Variants in PIP5K1B observed in about 807,000 individuals in gnomAD.
The protein encoded by PIP5K1B is phosphatidylinositol 4-phosphate 5-kinase type-1 beta.
Under a neutral mutation model 67.0 loss-of-function variants are expected in PIP5K1B, and 42 were observed. The observed-to-expected ratio is 0.63, with a 90% CI of 0.49 to 0.81. The LOEUF (loss-of-function observed/expected upper bound fraction) is 0.81, where lower values mean the gene tolerates loss of function less well. Among genes scored for constraint, PIP5K1B ranks in the 30% least tolerant of loss-of-function variants. The probability of loss-of-function intolerance (pLI) is 0.00; values close to 1 mark genes in which losing one functional copy is unlikely to be tolerated. For missense variants in PIP5K1B, 459 were observed against 646.3 expected (o/e 0.71, Z 3.14); for synonymous variants, 214 against 231.4 (o/e 0.92, Z 0.68).
chr9:68,983,532 CT>C (rs147371914), intron 14 of PIP5K1B, among the ~76,000 whole-genome samples: 16,112 of 152,000 alleles, frequency 0.11, 1,014 homozygotes, highest in East Asian at 0.31. Context: ...TGTCTGTCTT[CT>C]TTAATACTAT....
chr9:68,945,772 C>T (rs1259581615), intron 14 of PIP5K1B, among the ~76,000 whole-genome samples: 1 of 152,194 alleles, frequency 6.6e-6, no homozygotes, highest in Non-Finnish European at 1.5e-5. Flanking sequence ...AAAGTGGAGG[C>T]ATGACTTCCA....
intron 5 of PIP5K1B, among the ~76,000 whole-genome samples, chr9:68,868,303 G>A (rs1564194663): frequency 6.6e-6 from 1 of 152,130 alleles, no homozygotes; most frequent in Admixed American, 6.5e-5. Context: ...AAGGACCTAA[G>A]GTGGCAAAGG....
intron 2 of PIP5K1B, among the ~76,000 whole-genome samples, chr9:68,816,465 A>T (rs928129127): frequency 6.6e-6 from 1 of 152,228 alleles, no homozygotes; most frequent in Non-Finnish European, 1.5e-5. Context: ...TAAAAATATA[A>T]ATGCAAGAAA....
chr9:68,862,557 T>C (rs908193181), intron 4 of PIP5K1B, among the ~76,000 whole-genome samples: 2 of 152,082 alleles, frequency 1.3e-5, no homozygotes, highest in Non-Finnish European at 2.9e-5. Context: ...ACTTTGGGGC[T>C]GAGGTGGGCA....
At chr9:68,938,329 A>C (rs545442977) in intron 13 of PIP5K1B, among the ~76,000 whole-genome samples, 1 of 152,252 alleles carries the variant, frequency 6.6e-6, no homozygotes, top group African/African-American at 2.4e-5. Flanking sequence ...TTCTTGCTGC[A>C]TTGATCCCTT....
intron 2 of PIP5K1B, among the ~76,000 whole-genome samples, chr9:68,790,600 A>ACGAGCGCG (rs146501554): frequency 6.6e-6 from 1 of 152,090 alleles, no homozygotes; most frequent in Admixed American, 6.6e-5. Flanking sequence ...GAGCGCGCAC[A>ACGAGCGCG]CACACACACA....
chr9:68,937,272 C>G (rs1204436260), intron 13 of PIP5K1B, among the ~76,000 whole-genome samples: 1 of 152,186 alleles, frequency 6.6e-6, no homozygotes, highest in Non-Finnish European at 1.5e-5. Flanking sequence ...CTATTAATTA[C>G]TGCCTCAATT....
intron 6 of PIP5K1B, among the ~76,000 whole-genome samples, chr9:68,885,106 C>T (rs760816492): frequency 4.6e-5 from 7 of 152,296 alleles, no homozygotes; most frequent in Non-Finnish European, 7.3e-5. Context: ...TGTATATACA[C>T]AATGGAATAC....
intron 4 of PIP5K1B, among the ~76,000 whole-genome samples, chr9:68,856,036 C>A (rs747822952): frequency 3.3e-4 from 51 of 152,268 alleles, no homozygotes; most frequent in Non-Finnish European, 6.9e-4. Context: ...CCTTCAGAGG[C>A]TCTAGCAGGG....
chr9:68,842,705 C>T (rs1342610637), intron 4 of PIP5K1B, among the ~76,000 whole-genome samples: 1 of 152,172 alleles, frequency 6.6e-6, no homozygotes, highest in African/African-American at 2.4e-5. Flanking sequence ...GGAAGTGGTG[C>T]TACAGGCACC....
chr9:68,976,435 A>G (rs897213311), intron 14 of PIP5K1B, among the ~76,000 whole-genome samples: 19 of 152,168 alleles, frequency 1.2e-4, no homozygotes, highest in African/African-American at 4.6e-4. Flanking sequence ...GGAAAATTCA[A>G]TGTCTTACCC....
intron 8 of PIP5K1B, among the ~76,000 whole-genome samples, chr9:68,912,906 A>C (rs1825920830): frequency 6.6e-6 from 1 of 152,238 alleles, no homozygotes; most frequent in Non-Finnish European, 1.5e-5. Flanking sequence ...ATATTTCCAC[A>C]TTAGGTCCCC....
chr9:68,940,818 A>T, intron 14 of PIP5K1B, 28 bp downstream of exon 14: 2 of 1,608,060 alleles, frequency 1.2e-6, no homozygotes, highest in African/African-American at 2.7e-5. Context: ...CAAATAACCC[A>T]TCAGGCTGTT....
intron 14 of PIP5K1B, among the ~76,000 whole-genome samples, chr9:68,941,972 C>T (rs1215696765): frequency 6.6e-6 from 1 of 152,166 alleles, no homozygotes; most frequent in African/African-American, 2.4e-5. Flanking sequence ...GCAAGGTGAG[C>T]CGCAAATCTT....
In PIP5K1B at chr9:68,932,848, C is replaced by T. The variant is rs191425128; in HGVS notation, c.1202-2042C>T. ...GGGCACAGTGGCTCATGCCTGTAAT[C>T]CTAGCACTTTGGGAGGCCAAGGCAG... is the stretch of plus-strand genomic sequence containing the variant. On this transcript the variant is annotated intron_variant, in intron 12 of 15. Coordinates refer to ENST00000265382, the MANE Select transcript of PIP5K1B (RefSeq NM_003558.4). Among the ~76,000 whole-genome samples the T allele has an allele frequency of 2.4e-4, 37 of 152,228 alleles. No individual in the cohort carries two copies. The East Asian group carries it at 6.9e-3, about 29-fold the overall frequency.
chr9:68,829,216 G>T (rs1834153442), intron 4 of PIP5K1B, among the ~76,000 whole-genome samples: 1 of 152,214 alleles, frequency 6.6e-6, no homozygotes, highest in African/African-American at 2.4e-5. Flanking sequence ...GGGAAGAGGG[G>T]CTGGAGTGTG....
intron 14 of PIP5K1B, among the ~76,000 whole-genome samples, chr9:68,961,198 C>A (rs1175945728): frequency 1.4e-5 from 2 of 140,786 alleles, no homozygotes; most frequent in East Asian, 4.1e-4. Context: ...GCCTGGGCGA[C>A]AGAGCGAGAC....
chr9:69,005,568 G>T (rs948787797), intron 15 of PIP5K1B, among the ~76,000 whole-genome samples: 2 of 151,858 alleles, frequency 1.3e-5, no homozygotes, highest in African/African-American at 4.8e-5. Context: ...TAGAGACGGG[G>T]TTTCTCCATG....
intron 14 of PIP5K1B, among the ~76,000 whole-genome samples, chr9:68,980,145 C>T (rs1370883216): frequency 6.6e-6 from 1 of 152,208 alleles, no homozygotes; most frequent in Non-Finnish European, 1.5e-5. Flanking sequence ...AGCAGGAGCG[C>T]TAGTGCTAGT....
Sources: allele counts gnomAD v4.1 joint callset (sites outside exome capture counted in the v4.1 genomes callset), GRCh38; gene constraint gnomAD v4.1.1; transcripts MANE v1.5; gene names NCBI Gene and HGNC (gene_info 2026-07-23, HGNC 2026-07-21).